Variants in PDE1C observed in about 807,000 individuals in gnomAD.
The protein encoded by PDE1C is dual specificity calcium/calmodulin-dependent 3',5'-cyclic nucleotide phosphodiesterase 1C.
PDE1C carries 62 observed loss-of-function variants against 93.1 expected under a neutral mutation model. That is an observed-to-expected ratio of 0.67 (90% CI 0.54 to 0.82). The LOEUF (loss-of-function observed/expected upper bound fraction) is 0.82. Ranked by LOEUF, PDE1C falls within the 40% of genes least tolerant of loss-of-function variation. The pLI, the probability that PDE1C is intolerant of heterozygous loss-of-function variation, is 0.00. For synonymous variants in PDE1C, 325 were observed against 310.1 expected (o/e 1.05, Z -0.50); for missense variants, 742 against 884.6 (o/e 0.84, Z 2.04).
chr7:31,966,709 G>C (rs567111648), intron 2 of PDE1C, among the ~76,000 whole-genome samples: 1 of 152,296 alleles, frequency 6.6e-6, no homozygotes, highest in East Asian at 1.9e-4. Context: ...ATAGTTGGAA[G>C]TAAAGCACTC....
chr7:31,817,050 GC>G (rs1479225524), intron 14 of PDE1C, among the ~76,000 whole-genome samples: 1 of 152,130 alleles, frequency 6.6e-6, no homozygotes, highest in Non-Finnish European at 1.5e-5. Context: ...GAATACAGCA[GC>G]AAGCAAGTGG....
chr7:32,290,501 G>A (rs751105559), intron 1 of PDE1C, among the ~76,000 whole-genome samples: 4 of 152,082 alleles, frequency 2.6e-5, no homozygotes, highest in Admixed American at 6.5e-5. Context: ...TCCCAACAAC[G>A]CAACAAAGAA....
chr7:32,054,549 T>C (rs959322287), intron 1 of PDE1C, among the ~76,000 whole-genome samples: 3 of 152,192 alleles, frequency 2.0e-5, no homozygotes, highest in Middle Eastern at 3.2e-3. Flanking sequence ...GCACGTTAAC[T>C]GGCACATGGT....
rs1808182742 is a variant in PDE1C, at chr7:32,237,333, C to T, written c.86-27794G>A. 2.0e-5 allele frequency among the ~76,000 whole-genome samples: 3 copies of T among 151,868 alleles called. No individual in the cohort carries two copies. The South Asian group carries it at 6.3e-4, about 32-fold the overall frequency. On this transcript the variant is annotated intron_variant, in intron 1 of 18. Transcript: ENST00000396193. ...CGATCTCCTGACCTCGTGATCCGCCCATCTCGGCTATTCATGTAATATTCT... is the reference window on the plus strand; with the variant it reads ...CGATCTCCTGACCTCGTGATCCGCCTATCTCGGCTATTCATGTAATATTCT...
rs572440354 is a variant in PDE1C, at chr7:32,374,278, A to G, written c.310+53544T>C. The stretch of plus-strand genomic sequence containing the variant: ...AAGGAAGAAAGAAAGAAAGAAAGAA[A>G]GAAAGAAAGAAAGAAAGAAAGAAAG... On this transcript the variant is annotated intron_variant, in intron 1 of 1. Transcript: ENST00000672256. 2.6e-3 allele frequency among the ~76,000 whole-genome samples: 390 copies of G among 149,924 alleles called. 3 individuals are homozygous for G. The highest frequency in any genetic ancestry group is 9.2e-3 in the African/African-American group (366 of 39,818).
Position 31,828,330 on chromosome 7 carries a change from C to G in PDE1C, c.1247G>C (p.Cys416Ser), listed in dbSNP as rs763661301. The change falls in exon 12 of 18, where the codon TGT (cysteine) becomes TCT (serine). Residue 416 changes from cysteine (C) to serine (S), a missense_variant. Physicochemically the swap from Cys to Ser is moderately radical, Grantham distance 112. Transcript: ENST00000396191. ...AGCAACCATAGTGGACTTTCGGTCA[C>G]ACAGAGGAGAAAAAGGCAGCCCCAG... ...AELGLPFSPL[C>S]DRKSTMVAQS... 5.0e-6 allele frequency: 8 copies of G among 1,612,688 alleles called. No individual in the cohort carries two copies. Among genetic ancestry groups the G allele is most frequent in the Non-Finnish European group, 6.8e-6 (8 of 1,178,984 alleles).
chr7:32,076,480 A>G (rs76890135), intron 3 of PDE1C, among the ~76,000 whole-genome samples: 5,114 of 151,934 alleles, frequency 0.034, 286 homozygotes, highest in African/African-American at 0.11. Context: ...ATCTCTACGA[A>G]AAAAATATAA....
At chr7:32,013,946 A>G (rs1009264600) in intron 2 of PDE1C, among the ~76,000 whole-genome samples, 5 of 152,212 alleles carry the variant, frequency 3.3e-5, no homozygotes, top group African/African-American at 9.6e-5. Context: ...AAAAATACAC[A>G]CACCTCTCAA....
At chr7:31,813,734 G>A (rs982204459) in intron 15 of PDE1C, among the ~76,000 whole-genome samples, 2 of 151,994 alleles carry the variant, frequency 1.3e-5, no homozygotes, top group African/African-American at 4.8e-5. Flanking sequence ...GTGGTGATTT[G>A]TGAGATTTTG....
the PDE1C span, among the ~76,000 whole-genome samples, chr7:31,626,533 G>A: frequency 6.6e-6 from 1 of 152,154 alleles, no homozygotes; most frequent in Admixed American, 6.5e-5. Context: ...ATATCACAAA[G>A]ATGGATACAA....
chr7:31,867,656 A>C (rs1021816420), intron 6 of PDE1C, among the ~76,000 whole-genome samples: 6 of 152,140 alleles, frequency 3.9e-5, no homozygotes, highest in African/African-American at 1.4e-4. Context: ...TGTTCAGGGG[A>C]CTGAGAAGCC....
At chr7:32,014,583 G>T (rs150418055) in intron 2 of PDE1C, among the ~76,000 whole-genome samples, 2 of 152,020 alleles carry the variant, frequency 1.3e-5, no homozygotes, top group African/African-American at 4.8e-5. Context: ...TTTCAGCCCC[G>T]CATGCATTAG....
intron 1 of PDE1C, among the ~76,000 whole-genome samples, chr7:32,212,436 C>T (rs1467369808): frequency 2.0e-5 from 3 of 152,176 alleles, no homozygotes; most frequent in Non-Finnish European, 4.4e-5. Flanking sequence ...ATTTGAACCT[C>T]GCCACCAGCG....
chr7:32,112,838 GTGTGTGTGTATA>G (rs70989635), intron 3 of PDE1C, among the ~76,000 whole-genome samples: 4,229 of 60,788 alleles, frequency 0.07, 79 homozygotes, highest in Non-Finnish European at 0.098. Context: ...GTGTGTGTGT[GTGTGTGTGTATA>G]TATATATATA....
rs1380463278 is a variant in PDE1C at position 32,092,055 on chromosome 7, T to C, written c.308+77730A>G. Among the ~76,000 whole-genome samples, 6 of 152,282 alleles carry C rather than the reference T, an allele frequency of 3.9e-5. No individual in the cohort carries two copies. In the East Asian group the frequency reaches 1.2e-3, roughly 29 times the overall value. ...ACCAACATATGTTCAGGCTCATCCC[T>C]ATGTTCTAAGAGGGCAGAAGCCTGA... is the stretch of plus-strand genomic sequence containing the variant. On this transcript the variant is annotated intron_variant, in intron 3 of 18. Transcript: ENST00000396193.
At chr7:31,959,843 T>A (rs934188864) in intron 2 of PDE1C, among the ~76,000 whole-genome samples, 4 of 152,094 alleles carry the variant, frequency 2.6e-5, no homozygotes, top group Non-Finnish European at 4.4e-5. Flanking sequence ...TAGAATGCAC[T>A]AGAAACAATG....
chr7:32,260,175 G>A (rs1414025600), intron 1 of PDE1C, among the ~76,000 whole-genome samples: 2 of 152,274 alleles, frequency 1.3e-5, no homozygotes, highest in South Asian at 2.1e-4. Context: ...GAAAGTCTAC[G>A]AAAATGAGAG....
chr7:32,149,105 A>G (rs779446484), intron 3 of PDE1C, among the ~76,000 whole-genome samples: 33 of 152,316 alleles, frequency 2.2e-4, no homozygotes, highest in Non-Finnish European at 4.7e-4. Context: ...CAACAAATGT[A>G]TGGAGATTAA....
At chr7:31,741,154 G>A in the PDE1C span, among the ~76,000 whole-genome samples, 1 of 150,686 alleles carries the variant, frequency 6.6e-6, no homozygotes, top group African/African-American at 2.4e-5. Flanking sequence ...TGATCTTTTA[G>A]TCTCAGCTTT....
Sources: allele counts gnomAD v4.1 joint callset (sites outside exome capture counted in the v4.1 genomes callset), GRCh38; gene constraint gnomAD v4.1.1; transcripts MANE v1.5; gene names NCBI Gene and HGNC (gene_info 2026-07-23, HGNC 2026-07-21).